Variants in SPI1 observed in about 807,000 individuals in gnomAD.
SPI1 encodes the protein Spi-1 proto-oncogene, also known as transcription factor PU.1.
A neutral mutation model predicts 30.7 loss-of-function variants in SPI1; 3 were observed. That is an observed-to-expected ratio of 0.10 (90% CI 0.04 to 0.25). The LOEUF is 0.25. Among genes scored for constraint, SPI1 ranks in the 10% least tolerant of loss-of-function variants. SPI1 has a pLI of 1.00. For synonymous variants in SPI1, 169 were observed against 157.1 expected (o/e 1.08, Z -0.56); for missense variants, 261 against 371.5 (o/e 0.70, Z 2.45).
chr11:47,357,017 CCTCACACCAAGT>C lies in SPI1; in HGVS notation c.494-1483_494-1472del, dbSNP rs568950932. 3.1e-3 allele frequency among the ~76,000 whole-genome samples: 477 copies of C among 151,708 alleles called. 4 individuals carry two copies. The highest frequency in any genetic ancestry group is 3.5e-3 in the Non-Finnish European group (239 of 67,874). ...ATCCATACACACACTTCCTCACACA[CCTCACACCAAGT>C]CTCACACACACTTATGCTTACAAAC... On this transcript the variant is annotated intron_variant, in intron 4 of 4. Transcript: ENST00000378538.
At chr11:47,356,276 TCA>T (rs1442083935) in intron 4 of SPI1, among the ~76,000 whole-genome samples, 1 of 144,824 alleles carries the variant, frequency 6.9e-6, no homozygotes, top group African/African-American at 2.6e-5. Flanking sequence ...ACACACCCAC[TCA>T]CATGCTTGCA....
At chr11:47,356,440 A>G (rs2095909510) in intron 4 of SPI1, among the ~76,000 whole-genome samples, 2 of 150,482 alleles carry the variant, frequency 1.3e-5, no homozygotes, top group South Asian at 4.2e-4. Flanking sequence ...ACACACATGC[A>G]CACACACTCA....
In SPI1 at chr11:47,359,049, T is replaced by A. The variant is rs1210564445; in HGVS notation, c.331-43A>T. ...GAGATCAGAGTCAGGAAGGGCCAGC[T>A]TACAGCTCAGGGGGGCTGGGAGGGA... On this transcript the variant is annotated intron_variant, in intron 3 of 4. Coordinates refer to ENST00000378538, the MANE Select transcript of SPI1 (RefSeq NM_003120.3). The surrounding 1 kb of genome is among the most constrained non-coding windows in gnomAD (Gnocchi z 5.1). 2.0e-6 allele frequency: 3 copies of A among 1,504,426 alleles called. No homozygotes were observed. Among genetic ancestry groups the A allele is most frequent in the Non-Finnish European group, 2.7e-6 (3 of 1,128,656 alleles). 93.2% of individuals were successfully genotyped at this position (1,504,426 alleles called of 1,614,324 possible).
At chr11:47,377,328 G>A (rs1328437270) in intron 1 of SPI1, among the ~76,000 whole-genome samples, 2 of 152,134 alleles carry the variant, frequency 1.3e-5, no homozygotes, top group Non-Finnish European at 2.9e-5. Flanking sequence ...CAGGAAAGTG[G>A]ATTCAGGTGG....
chr11:47,355,313 T>G lies in SPI1; in HGVS notation c.727A>C (p.Lys243Gln), dbSNP rs1440253385. 6.2e-7 allele frequency: 1 copy of G among 1,610,898 alleles called. No homozygotes were observed. Among genetic ancestry groups the G allele is most frequent in the Non-Finnish European group, 8.5e-7 (1 of 1,178,912 alleles). Residue 243 changes from lysine (K) to glutamine (Q), a missense_variant, in exon 5 of 5, where the codon AAG (lysine) becomes CAG (glutamine). Around this residue, in one of 5 missense-constraint regions of SPI1, gnomAD observed 43 missense variants for 123.8 expected, o/e 0.35. Transcript: ENST00000378538. ...TGGTAGGTGAGCTTCTTCTTCACCT[T>G]CTTGACCTCGCCCGTCTTGCCGTAG... ...RNYGKTGEVKKVKKKLTYQFS... is the reference protein window; with the variant it reads ...RNYGKTGEVKQVKKKLTYQFS...
chr11:47,363,963 C>CAAAA (rs1161379136), intron 2 of SPI1, among the ~76,000 whole-genome samples: 54 of 58,912 alleles, frequency 9.2e-4, no homozygotes, highest in African/African-American at 2.1e-3. Flanking sequence ...ACTCGGTCTC[C>CAAAA]AAAAAAAAAA....
rs767678682 is a variant in SPI1 at position 47,378,354 on chromosome 11, C to G, written c.-1G>C. On this transcript the variant is annotated 5_prime_UTR_variant, in exon 1 of 5. Transcript: ENST00000378538. Reference sequence around the variant, plus strand: ...CTTCCATTTTGCACGCCTGTAACATCCAGCCGGGCTCCGAGTCGGTCAGAT... The same window carrying G: ...CTTCCATTTTGCACGCCTGTAACATGCAGCCGGGCTCCGAGTCGGTCAGAT... The G allele has an allele frequency of 6.2e-7, 1 of 1,612,992 alleles. No individual in the cohort carries two copies. The highest frequency in any genetic ancestry group is 2.2e-5 in the East Asian group (1 of 44,844).
intron 2 of SPI1, among the ~76,000 whole-genome samples, chr11:47,369,015 C>A (rs1442639780): frequency 6.6e-6 from 1 of 152,024 alleles, no homozygotes; most frequent in Non-Finnish European, 1.5e-5. Flanking sequence ...GGAGGCTGAG[C>A]CGGGTGGATC....
chr11:47,355,200 T>C lies in SPI1; in HGVS notation c.*27A>G. 6 of 1,319,972 alleles carry C rather than the reference T, an allele frequency of 4.5e-6. No homozygotes were observed. The highest frequency in any genetic ancestry group is 5.8e-6 in the Non-Finnish European group (6 of 1,039,996). 81.8% of individuals were successfully genotyped at this position (1,319,972 alleles called of 1,614,324 possible). ...TAATGCTATGGCCAGCGGGGAGGCC[T>C]GGCGGGGCCCGGCGGGGGCTGCGGG... On this transcript the variant is annotated 3_prime_UTR_variant, in exon 5 of 5. Transcript: ENST00000378538.
chr11:47,365,691 A>G (rs1319452876), intron 2 of SPI1, among the ~76,000 whole-genome samples: 1 of 150,984 alleles, frequency 6.6e-6, no homozygotes, highest in Non-Finnish European at 1.5e-5. Flanking sequence ...GGTGACGCTG[A>G]GAGATTTTTT....
Position 47,375,676 on chromosome 11 carries a change from G to A in SPI1, c.99C>T (p.His33=), listed in dbSNP as rs540889602. ...CACTGCTGAGATAGGGGTAATACTC[G>A]TGCGTTTGGCGTTGGTATAGATCCG... The part of the protein sequence containing the change: ...YDTDLYQRQT[H]EYYPYLSSDG... Residue 33 remains histidine, a synonymous_variant, in exon 2 of 5, where the codon CAC becomes CAT. Transcript: ENST00000378538. The surrounding 1 kb of genome is among the most constrained non-coding windows in gnomAD (Gnocchi z 4.2). 3.2e-5 allele frequency: 52 copies of A among 1,614,002 alleles called. No individual in the cohort carries two copies. The East Asian group carries it at 7.4e-4, about 23-fold the overall frequency.
intron 4 of SPI1, among the ~76,000 whole-genome samples, chr11:47,357,144 A>C (rs2095912028): frequency 7.0e-6 from 1 of 143,672 alleles, no homozygotes. Flanking sequence ...ACATGCTCAC[A>C]CCTCATACCT....
intron 4 of SPI1, chr11:47,358,521 C>A: frequency 2.2e-5 from 15 of 674,584 alleles, no homozygotes; most frequent in South Asian, 1.4e-4. Context: ...CACAGCCACT[C>A]GCACACATGC....
At chr11:47,366,912 G>T (rs1253280193) in intron 2 of SPI1, among the ~76,000 whole-genome samples, 28 of 152,174 alleles carry the variant, frequency 1.8e-4, no homozygotes, top group Non-Finnish European at 1.5e-5. Context: ...CTCTACCTTG[G>T]ATTCTAATTA....
In SPI1 at chr11:47,359,734, G is replaced by T. The variant is rs989101604; in HGVS notation, c.330+119C>A. Reference sequence around the variant, plus strand: ...AGCCGTTGGAGCTCCAGCCGCCGTTGGCACTGTGGGGCAGGAAGCTGAGTT... The same window carrying T: ...AGCCGTTGGAGCTCCAGCCGCCGTTTGCACTGTGGGGCAGGAAGCTGAGTT... On this transcript the variant is annotated intron_variant, in intron 3 of 4. Coordinates refer to ENST00000378538, the MANE Select transcript of SPI1 (RefSeq NM_003120.3). This position sits in a 1 kb window ranked among gnomAD's most constrained non-coding sequence, Gnocchi z 5.1. 63 of 1,156,408 alleles carry T rather than the reference G, an allele frequency of 5.4e-5. No individual in the cohort carries two copies. Among genetic ancestry groups the T allele is most frequent in the Non-Finnish European group, 7.0e-5 (57 of 817,522 alleles). The allele number at this position is 1,156,408 out of a possible 1,614,324, so 71.6% of individuals were successfully genotyped here.
Position 47,355,239 on chromosome 11 carries a change from G to T in SPI1, c.801C>A (p.His267Gln), listed in dbSNP as rs899122071. Residue 267 changes from histidine to glutamine, a missense_variant, in exon 5 of 5, where the codon CAC (histidine) becomes CAA (glutamine). Transcript: ENST00000378538. ...LGRGGLAERR[H>Q]PPH ...GGGGGCTGCGGGCTCAGTGGGGCGG[G>T]TGGCGCCGCTCGGCCAGGCCCCCGC... 8 of 1,427,798 alleles carry T rather than the reference G, an allele frequency of 5.6e-6. No homozygotes were observed. In the African/African-American group the frequency reaches 1.0e-4, roughly 19 times the overall value. The allele number at this position is 1,427,798 out of a possible 1,614,324, so 88.4% of individuals were successfully genotyped here. A position where few individuals can be genotyped will look rare whatever the true frequency, so the allele number is the denominator to read the frequency against.
In SPI1 at chr11:47,355,071, G is replaced by A; in HGVS notation, c.*156C>T. 2.4e-6 allele frequency: 1 copy of A among 425,266 alleles called. No individual in the cohort carries two copies. Among genetic ancestry groups the A allele is most frequent in the Non-Finnish European group, 3.7e-6 (1 of 271,756 alleles). The allele number at this position is 425,266 out of a possible 1,614,324, so 26.3% of individuals were successfully genotyped here. On this transcript the variant is annotated 3_prime_UTR_variant, in exon 5 of 5. Transcript: ENST00000378538. Reference sequence around the variant, plus strand: ...GGAGGCGAAGCGGGATGTGGAGGGGGCCTGGAGTGGGGGGAGGGGGCGGGT... The same window carrying A: ...GGAGGCGAAGCGGGATGTGGAGGGGACCTGGAGTGGGGGGAGGGGGCGGGT...
chr11:47,358,209 A>T (rs2095914854), intron 4 of SPI1: 2 of 296,210 alleles, frequency 6.8e-6, no homozygotes, highest in Admixed American at 8.9e-5. Context: ...ACACACACTT[A>T]TATCACACAC....
chr11:47,355,237 G>T lies in SPI1; in HGVS notation c.803C>A (p.Pro268Gln), dbSNP rs758648383. Residue 268 changes from proline to glutamine, a missense_variant, in exon 5 of 5, where the codon CCG becomes CAG. Transcript: ENST00000378538. ...GCGGGGGCTGCGGGCTCAGTGGGGC[G>T]GGTGGCGCCGCTCGGCCAGGCCCCC... The part of the protein sequence containing the change: ...GRGGLAERRH[P>Q]PH 1 of 1,423,242 alleles carries T rather than the reference G, an allele frequency of 7.0e-7. No individual in the cohort carries two copies. Among genetic ancestry groups the T allele is most frequent in the Non-Finnish European group, 9.2e-7 (1 of 1,091,496 alleles). 88.2% of individuals were successfully genotyped at this position (1,423,242 alleles called of 1,614,324 possible).
Sources: allele counts gnomAD v4.1 joint callset (sites outside exome capture counted in the v4.1 genomes callset), GRCh38; gene constraint gnomAD v4.1.1; regional missense constraint gnomAD v4.1.1; non-coding constraint Gnocchi (gnomAD v3.1); transcripts MANE v1.5; gene names NCBI Gene and HGNC (gene_info 2026-07-23, HGNC 2026-07-21).